CDC42SE2: variants seen among roughly 807,000 people sequenced by gnomAD.
CDC42SE2 encodes CDC42 small effector 2, also known as CDC42 small effector protein 2.
CDC42SE2 carries 3 observed loss-of-function variants against 11.5 expected under a neutral mutation model. The ratio of observed to expected loss-of-function variants is 0.26; its 90% confidence interval spans 0.12 to 0.67. The LOEUF (loss-of-function observed/expected upper bound fraction) is 0.67, where lower values mean the gene tolerates loss of function less well. CDC42SE2 is among the 30% of genes least tolerant of loss of function. The pLI is 0.80. For missense variants in CDC42SE2, 82 were observed against 106.8 expected, an observed-to-expected ratio of 0.77 and a Z score of 1.02; for synonymous variants, 33 against 34.8, an observed-to-expected ratio of 0.95 and a Z score of 0.18.
rs1210068802 is a variant in CDC42SE2, at chr5:131,334,053, G to A, written c.-286+17909G>A. On this transcript the variant is annotated intron_variant, in intron 2 of 4. Transcript: ENST00000505065. ...CCCTGTCTTGTGCCAGTTTTCAAAG[G>A]GAATGCTTCCAGTTTTTATCCATTC... 2.0e-5 allele frequency among the ~76,000 whole-genome samples: 3 copies of A among 152,050 alleles called. 1 individual carries two copies. Among genetic ancestry groups the A allele is most frequent in the Non-Finnish European group, 4.4e-5 (3 of 68,008 alleles).
chr5:131,393,695 A>G lies in CDC42SE2; in HGVS notation c.*2604A>G, dbSNP rs1750744742. On this transcript the variant is annotated 3_prime_UTR_variant, in exon 5 of 5. Coordinates refer to ENST00000505065, the MANE Select transcript of CDC42SE2 (RefSeq NM_001375635.1). ...CACTCATGCTATTTAGTCTACTTCT[A>G]TTTTGACTGACTCTTTAAATTAGTA... 1 of 151,934 alleles carries G rather than the reference A, an allele frequency of 6.6e-6. No individual in the cohort carries two copies. The highest frequency in any genetic ancestry group is 6.6e-5 in the Admixed American group (1 of 15,244). 9.4% of individuals were successfully genotyped at this position (151,934 alleles called of 1,614,324 possible).
chr5:131,373,447 C>T (rs1434713628), intron 3 of CDC42SE2, among the ~76,000 whole-genome samples: 2 of 152,172 alleles, frequency 1.3e-5, no homozygotes, highest in Admixed American at 6.5e-5. Context: ...GATTCGAACT[C>T]TTCTGTCTGG....
rs796871334 is a variant in CDC42SE2, at chr5:131,290,472, CTTTTTTTTTTTTTG to C, written c.-454-25490_-454-25477del. On this transcript the variant is annotated intron_variant, in intron 1 of 4. Coordinates refer to ENST00000505065, the MANE Select transcript of CDC42SE2 (RefSeq NM_001375635.1). ...ATAACTGGCTGCTTCTTTTTTCTTT[CTTTTTTTTTTTTTG>C]TTTTTTTTTTTTTTGAGACAGGGTA... Among the ~76,000 whole-genome samples, 814 of 126,832 alleles carry C rather than the reference CTTTTTTTTTTTTTG, an allele frequency of 6.4e-3. 6 individuals carry two copies. Among genetic ancestry groups the C allele is most frequent in the African/African-American group, 0.023 (787 of 34,224 alleles). The allele number at this position is 126,832 out of a possible 152,430, so 83.2% of individuals were successfully genotyped here.
chr5:131,294,713 C>T (rs368225191), intron 1 of CDC42SE2, among the ~76,000 whole-genome samples: 16 of 152,144 alleles, frequency 1.1e-4, no homozygotes, highest in East Asian at 9.6e-4. Context: ...AGTACATGGC[C>T]GGGCGTGGTG....
chr5:131,290,624 C>G (rs80264255), intron 1 of CDC42SE2, among the ~76,000 whole-genome samples: 1 of 151,608 alleles, frequency 6.6e-6, no homozygotes, highest in African/African-American at 2.4e-5. Context: ...AGACTACAGG[C>G]TGGCACCAGG....
intron 1 of CDC42SE2, among the ~76,000 whole-genome samples, chr5:131,273,992 G>T (rs754419598): frequency 1.2e-4 from 18 of 152,054 alleles, no homozygotes; most frequent in Non-Finnish European, 2.5e-4. Flanking sequence ...TGCCCAGGCT[G>T]GTCTTGGGCT....
At chr5:131,311,816 G>A (rs376037979) in intron 1 of CDC42SE2, among the ~76,000 whole-genome samples, 1 of 152,014 alleles carries the variant, frequency 6.6e-6, no homozygotes, top group African/African-American at 2.4e-5. Context: ...GCACTTCTCT[G>A]TATTGGTTAT....
chr5:131,307,227 C>T (rs193159402), intron 1 of CDC42SE2, among the ~76,000 whole-genome samples: 6 of 122,406 alleles, frequency 4.9e-5, no homozygotes, highest in East Asian at 3.0e-4. Flanking sequence ...TCCCCCCACC[C>T]GACAACAGTC....
chr5:131,218,480 A>G, the CDC42SE2 span, among the ~76,000 whole-genome samples: 12 of 152,214 alleles, frequency 7.9e-5, no homozygotes, highest in Non-Finnish European at 4.4e-5. Flanking sequence ...GTTTGCTAGT[A>G]TATACTAAAG....
intron 1 of CDC42SE2, among the ~76,000 whole-genome samples, chr5:131,272,667 G>A (rs1757018548): frequency 6.6e-6 from 1 of 152,052 alleles, no homozygotes; most frequent in African/African-American, 2.4e-5. Flanking sequence ...GCATATAGAT[G>A]TATTGAAATA....
At chr5:131,243,032 A>G (rs1756553033), upstream of CDC42SE2, among the ~76,000 whole-genome samples, 1 of 152,174 alleles carries the variant, frequency 6.6e-6, no homozygotes, top group Non-Finnish European at 1.5e-5. Context: ...ATAAGCACTT[A>G]CTCATCCTTA....
intron 1 of CDC42SE2, among the ~76,000 whole-genome samples, chr5:131,303,289 G>GAAGA (rs1580741436): frequency 6.6e-6 from 1 of 152,204 alleles, no homozygotes; most frequent in African/African-American, 2.4e-5. Flanking sequence ...TCTTTGAGAA[G>GAAGA]AAGAAAGGAA....
At chr5:131,332,075 T>C (rs1360657165) in intron 2 of CDC42SE2, among the ~76,000 whole-genome samples, 1 of 152,192 alleles carries the variant, frequency 6.6e-6, no homozygotes, top group African/African-American at 2.4e-5. Flanking sequence ...CATTAACTTA[T>C]AATTTAGCAT....
At chr5:131,221,562 A>C in the CDC42SE2 span, among the ~76,000 whole-genome samples, 5 of 152,162 alleles carry the variant, frequency 3.3e-5, no homozygotes, top group Non-Finnish European at 7.4e-5. Flanking sequence ...CAGAATTCAC[A>C]ATGTAATATT....
At chr5:131,313,586 G>T (rs913857808) in intron 1 of CDC42SE2, among the ~76,000 whole-genome samples, 1 of 152,118 alleles carries the variant, frequency 6.6e-6, no homozygotes, top group Non-Finnish European at 1.5e-5. Flanking sequence ...TCCTTTCTCT[G>T]CTGGATTGCC....
intron 1 of CDC42SE2, among the ~76,000 whole-genome samples, chr5:131,293,527 A>G (rs1757506424): frequency 1.3e-5 from 2 of 148,802 alleles, no homozygotes; most frequent in South Asian, 4.3e-4. Flanking sequence ...AGTGGAGATC[A>G]GGCCACTGCA....
chr5:131,293,646 C>G (rs1415464633), intron 1 of CDC42SE2, among the ~76,000 whole-genome samples: 1 of 151,686 alleles, frequency 6.6e-6, no homozygotes, highest in Non-Finnish European at 1.5e-5. Flanking sequence ...GACTTCCCAG[C>G]TTCCACAACT....
chr5:131,389,909 A>G (rs777544918), intron 4 of CDC42SE2, among the ~76,000 whole-genome samples: 81 of 152,322 alleles, frequency 5.3e-4, no homozygotes, highest in African/African-American at 1.9e-3. Context: ...TGACTCTCCA[A>G]TTCTCTGCTT....
chr5:131,385,254 C>T (rs1399767170), intron 3 of CDC42SE2, among the ~76,000 whole-genome samples: 5 of 152,100 alleles, frequency 3.3e-5, no homozygotes, highest in African/African-American at 2.4e-5. Flanking sequence ...ACATTTGTCT[C>T]GTTTTTTAAA....
Sources: allele counts gnomAD v4.1 joint callset (sites outside exome capture counted in the v4.1 genomes callset), GRCh38; gene constraint gnomAD v4.1.1; transcripts MANE v1.5; gene names NCBI Gene and HGNC (gene_info 2026-07-23, HGNC 2026-07-21).